LRP1B: variants seen among roughly 807,000 people sequenced by gnomAD.
LRP1B encodes the protein low-density lipoprotein receptor-related protein 1B.
In LRP1B, 217 loss-of-function variants were observed where a neutral mutation model predicts 556.6. The observed-to-expected ratio is 0.39, with a 90% confidence interval of 0.35 to 0.44. The LOEUF (loss-of-function observed/expected upper bound fraction) is 0.44. Ranked by LOEUF, LRP1B falls within the 20% of genes least tolerant of loss-of-function variation. The probability of loss-of-function intolerance (pLI) is 1.00; values close to 1 mark genes in which losing one functional copy is unlikely to be tolerated. For synonymous variants in LRP1B, 2,047 were observed against 1,865.8 expected (o/e 1.10, Z -2.50); for missense variants, 5,053 against 5,620.8 (o/e 0.90, Z 3.23).
chr2:140,328,814 TACACATACACAC>T (rs1680636782), intron 79 of LRP1B, among the ~76,000 whole-genome samples: 1 of 151,428 alleles, frequency 6.6e-6, no homozygotes, highest in African/African-American at 2.4e-5. Context: ...TTATTTTTCA[TACACATACACAC>T]ACACATCTAT....
At chr2:141,501,727 A>G (rs1683718129) in intron 2 of LRP1B, among the ~76,000 whole-genome samples, 1 of 152,282 alleles carries the variant, frequency 6.6e-6, no homozygotes, top group African/African-American at 2.4e-5. Flanking sequence ...GCAAAGATCT[A>G]AAAGAAACAT....
At chr2:140,507,510 A>C (rs908135246) in intron 52 of LRP1B, among the ~76,000 whole-genome samples, 5 of 152,206 alleles carry the variant, frequency 3.3e-5, no homozygotes, top group Admixed American at 3.3e-4. Flanking sequence ...TAAGTACCAC[A>C]CAAATGAAAT....
At chr2:141,230,320 C>T (rs982103290) in intron 5 of LRP1B, among the ~76,000 whole-genome samples, 1 of 152,228 alleles carries the variant, frequency 6.6e-6, no homozygotes, top group Non-Finnish European at 1.5e-5. Flanking sequence ...AACTATCAGA[C>T]ATCCTACCAC....
At chr2:142,101,234 T>C (rs371262152) in intron 1 of LRP1B, among the ~76,000 whole-genome samples, 9 of 151,962 alleles carry the variant, frequency 5.9e-5, no homozygotes, top group South Asian at 2.1e-4. Flanking sequence ...GCATTGTAGG[T>C]TGGCAATTAA....
intron 3 of LRP1B, among the ~76,000 whole-genome samples, chr2:141,475,208 A>G (rs574908884): frequency 2.0e-5 from 3 of 152,176 alleles, no homozygotes. Context: ...CCCCCTCTAT[A>G]CTAAAAATAC....
intron 7 of LRP1B, among the ~76,000 whole-genome samples, chr2:141,180,171 G>C (rs1312729441): frequency 6.6e-6 from 1 of 151,464 alleles, no homozygotes; most frequent in Admixed American, 6.6e-5. Flanking sequence ...TTGTAAACTA[G>C]AATAACCATA....
chr2:141,927,062 C>A (rs991438466), intron 1 of LRP1B, among the ~76,000 whole-genome samples: 1 of 151,992 alleles, frequency 6.6e-6, no homozygotes, highest in East Asian at 1.9e-4. Flanking sequence ...AGTTTATAAA[C>A]CTCTTAAAGG....
intron 12 of LRP1B, among the ~76,000 whole-genome samples, chr2:141,016,503 CTTA>C (rs982657869): frequency 4.6e-5 from 7 of 152,010 alleles, no homozygotes; most frequent in African/African-American, 1.4e-4. Flanking sequence ...TTTATTGCTG[CTTA>C]TTATTACCCC....
chr2:141,827,301 G>A (rs984205996), intron 1 of LRP1B, among the ~76,000 whole-genome samples: 21 of 152,144 alleles, frequency 1.4e-4, no homozygotes, highest in Admixed American at 6.5e-4. Context: ...TTTTACTTCT[G>A]AAATAAATGT....
In LRP1B at chr2:141,878,165, C is replaced by A. The variant is rs537073073; in HGVS notation, c.83-67764G>T. ...ACTTTTTTTTTCCTTTTCCTCACATCTCTTCAGAATATTCCTGTAGGCTAG... is the reference window on the plus strand; with the variant it reads ...ACTTTTTTTTTCCTTTTCCTCACATATCTTCAGAATATTCCTGTAGGCTAG... On this transcript the variant is annotated intron_variant, in intron 1 of 90. Transcript: ENST00000389484. Among the ~76,000 whole-genome samples, 5 of 151,902 alleles carry A rather than the reference C, an allele frequency of 3.3e-5. No homozygotes were observed. In the South Asian group the frequency reaches 1.0e-3, roughly 32 times the overall value.
intron 18 of LRP1B, among the ~76,000 whole-genome samples, chr2:140,980,110 GA>G (rs1459289100): frequency 1.3e-5 from 2 of 151,284 alleles, no homozygotes; most frequent in East Asian, 1.9e-4. Context: ...TAAAAAAAAA[GA>G]AAAAAAGAGA....
At chr2:140,271,305 A>G (rs1682449359) in intron 85 of LRP1B, among the ~76,000 whole-genome samples, 1 of 151,988 alleles carries the variant, frequency 6.6e-6, no homozygotes, top group African/African-American at 2.4e-5. Context: ...TCACACCAGT[A>G]TTAGCTGCTA....
At chr2:141,372,483 G>T (rs1005972625) in intron 3 of LRP1B, among the ~76,000 whole-genome samples, 20 of 152,004 alleles carry the variant, frequency 1.3e-4, no homozygotes, top group Non-Finnish European at 2.8e-4. Context: ...ATGTTTGGTA[G>T]AATTTGGCTG....
chr2:142,026,201 T>C (rs1231584420), intron 1 of LRP1B, among the ~76,000 whole-genome samples: 4 of 152,162 alleles, frequency 2.6e-5, no homozygotes, highest in Non-Finnish European at 5.9e-5. Flanking sequence ...GTGCCAACTT[T>C]GATAGAGTTT....
intron 43 of LRP1B, among the ~76,000 whole-genome samples, chr2:140,590,004 C>T (rs576352251): frequency 1.8e-4 from 27 of 152,010 alleles, no homozygotes; most frequent in Non-Finnish European, 3.5e-4. Flanking sequence ...TTAGGGAAAA[C>T]TGGGTAAAGA....
At chr2:141,786,248 T>C (rs893151724) in intron 2 of LRP1B, among the ~76,000 whole-genome samples, 2 of 151,998 alleles carry the variant, frequency 1.3e-5, no homozygotes, top group Non-Finnish European at 2.9e-5. Flanking sequence ...AAAAGGAAAG[T>C]GGAAGCCTTC....
At chr2:141,548,724 C>T (rs1486103002) in intron 2 of LRP1B, among the ~76,000 whole-genome samples, 1 of 152,016 alleles carries the variant, frequency 6.6e-6, no homozygotes, top group African/African-American at 2.4e-5. Context: ...AGCAAAGAGC[C>T]TTTATTAGAT....
chr2:140,649,957 T>A (rs909880706), intron 41 of LRP1B, among the ~76,000 whole-genome samples: 2 of 152,202 alleles, frequency 1.3e-5, no homozygotes, highest in Non-Finnish European at 2.9e-5. Context: ...CAATTTACTC[T>A]ATCAACTTTA....
chr2:141,950,585 A>G (rs1212745307), intron 1 of LRP1B, among the ~76,000 whole-genome samples: 1 of 152,152 alleles, frequency 6.6e-6, no homozygotes, highest in Admixed American at 6.6e-5. Context: ...AGCAATGAGA[A>G]TGTCAATTTG....
Sources: allele counts gnomAD v4.1 joint callset (sites outside exome capture counted in the v4.1 genomes callset), GRCh38; gene constraint gnomAD v4.1.1; transcripts MANE v1.5; gene names NCBI Gene and HGNC (gene_info 2026-07-23, HGNC 2026-07-21).